RNF34: variants seen among roughly 807,000 people sequenced by gnomAD.
RNF34 encodes E3 ubiquitin-protein ligase RNF34.
Under a neutral mutation model 37.9 loss-of-function variants are expected in RNF34, and 12 were observed. The ratio of observed to expected loss-of-function variants is 0.32; its 90% CI spans 0.20 to 0.51. The LOEUF (loss-of-function observed/expected upper bound fraction) is 0.51, where lower values mean the gene tolerates loss of function less well. Ranked by LOEUF, RNF34 falls within the 20% of genes least tolerant of loss-of-function variation. The pLI is 0.97. For synonymous variants in RNF34, 155 were observed against 177.2 expected, an observed-to-expected ratio of 0.87 and a Z score of 1.00; for missense variants, 362 against 472.7, an observed-to-expected ratio of 0.77 and a Z score of 2.17.
intron 1 of RNF34, among the ~76,000 whole-genome samples, chr12:121,403,079 C>T (rs1337552102): frequency 6.6e-6 from 1 of 152,086 alleles, no homozygotes; most frequent in Admixed American, 6.6e-5. Context: ...TTCTAAGGAG[C>T]ATATGTTTCT....
chr12:121,409,680 A>T (rs184201950), intron 1 of RNF34: 1 of 152,360 alleles, frequency 6.6e-6, no homozygotes, highest in Admixed American at 6.5e-5. Flanking sequence ...TTGCCTGGTG[A>T]GTCCAACATG....
chr12:121,401,746 C>A (rs1250385498), intron 1 of RNF34, among the ~76,000 whole-genome samples: 2 of 152,104 alleles, frequency 1.3e-5, no homozygotes, highest in African/African-American at 4.8e-5. Flanking sequence ...TAAACAAGTT[C>A]TTTGAAAACA....
rs540081406 is a variant in RNF34 at position 121,405,471 on chromosome 12, C to A, written c.6+5253C>A. 1.2e-4 allele frequency among the ~76,000 whole-genome samples: 18 copies of A among 152,158 alleles called. 1 individual carries two copies. The South Asian group carries it at 3.7e-3, about 32-fold the overall frequency. ...TCAGTAAAAACAAACATTTTAATTT[C>A]CATTTGTCTTCTTGCTTTTTTTTTC... is the stretch of plus-strand genomic sequence containing the variant. On this transcript the variant is annotated intron_variant, in intron 1 of 5. Coordinates refer to ENST00000361234, the MANE Select transcript of RNF34 (RefSeq NM_025126.4).
chr12:121,413,290 G>C (rs984762375), intron 1 of RNF34, among the ~76,000 whole-genome samples: 110 of 152,164 alleles, frequency 7.2e-4, no homozygotes, highest in African/African-American at 2.6e-3. Context: ...GCCTCCCAAA[G>C]TGCTGGGATT....
At chr12:121,404,754 T>C (rs991431952) in intron 1 of RNF34, 1 of 152,210 alleles carries the variant, frequency 6.6e-6, no homozygotes, top group South Asian at 2.1e-4. Flanking sequence ...GTTGATAATA[T>C]ATTTAATGGA....
intron 1 of RNF34, among the ~76,000 whole-genome samples, chr12:121,407,877 A>C (rs1555280872): frequency 6.6e-6 from 1 of 152,200 alleles, no homozygotes; most frequent in East Asian, 1.9e-4. Flanking sequence ...TGAAGAGCTC[A>C]GAAAATAGAT....
chr12:121,422,400 CAGA>C lies in RNF34; in HGVS notation c.929-983_929-981del, dbSNP rs539378317. Among the ~76,000 whole-genome samples, 551 of 152,314 alleles carry C rather than the reference CAGA, an allele frequency of 3.6e-3. 1 individual carries two copies. The highest frequency in any genetic ancestry group is 6.3e-3 in the Non-Finnish European group (429 of 68,018). ...AAAGAGTGGGAAGGAACCCTCCACA[CAGA>C]AGGAGAGACCAAGGCCCACTCTGAT... On this transcript the variant is annotated intron_variant, in intron 5 of 5. Transcript: ENST00000361234.
chr12:121,415,840 C>T (rs199742513), intron 1 of RNF34, among the ~76,000 whole-genome samples: 222 of 107,852 alleles, frequency 2.1e-3, no homozygotes, highest in Middle Eastern at 5.2e-3. Flanking sequence ...TTTGTCCAGT[C>T]TTTTTTTTTT....
intron 5 of RNF34, among the ~76,000 whole-genome samples, chr12:121,422,928 G>C (rs1032331482): frequency 6.6e-6 from 1 of 152,108 alleles, no homozygotes; most frequent in African/African-American, 2.4e-5. Context: ...GGGAACTAAG[G>C]CTCCTTTTCC....
At chr12:121,416,800 A>G (rs1158055662) in intron 2 of RNF34, among the ~76,000 whole-genome samples, 1 of 152,254 alleles carries the variant, frequency 6.6e-6, no homozygotes, top group Non-Finnish European at 1.5e-5. Context: ...TCAACATCAA[A>G]TACTTAGCTA....
At chr12:121,406,646 G>A (rs1870566987) in intron 1 of RNF34, among the ~76,000 whole-genome samples, 1 of 152,186 alleles carries the variant, frequency 6.6e-6, no homozygotes, top group African/African-American at 2.4e-5. Flanking sequence ...GGCAGACCAT[G>A]GTCCTATGGT....
intron 1 of RNF34, among the ~76,000 whole-genome samples, chr12:121,411,259 T>C (rs989333483): frequency 3.3e-5 from 5 of 152,102 alleles, no homozygotes; most frequent in Non-Finnish European, 5.9e-5. Flanking sequence ...TAATGAGGGC[T>C]AAATTAAGTG....
At chr12:121,406,690 TG>T (rs1360839506) in intron 1 of RNF34, among the ~76,000 whole-genome samples, 1 of 151,838 alleles carries the variant, frequency 6.6e-6, no homozygotes, top group African/African-American at 2.4e-5. Flanking sequence ...CTTAAGAGAG[TG>T]GGTAGGAAAG....
intron 3 of RNF34, among the ~76,000 whole-genome samples, chr12:121,419,689 G>GTGTTTTC (rs1166380331): frequency 1.9e-4 from 29 of 152,172 alleles, no homozygotes; most frequent in African/African-American, 5.6e-4. Context: ...GAAGAGATTT[G>GTGTTTTC]TGTTTTCTAA....
At position 121,401,008 on chromosome 12, in the gene RNF34, A is replaced by G. The variant is rs368767001; in HGVS notation, c.6+790A>G. ...TTGATTCATTTGCCGAACTCAAACC[A>G]AGTGGGATGAGTCATAAGGTGATGA... On this transcript the variant is annotated intron_variant, in intron 1 of 5. Coordinates refer to ENST00000361234, the MANE Select transcript of RNF34 (RefSeq NM_025126.4). 7.2e-5 allele frequency among the ~76,000 whole-genome samples: 11 copies of G among 152,254 alleles called. No homozygotes were observed. The South Asian group carries it at 1.0e-3, about 14-fold the overall frequency.
At chr12:121,416,031 CCAGAGGAATATAGTAAT>C (rs1871540720) in intron 1 of RNF34, 111 bp from the exon 2 acceptor site, 2 of 682,126 alleles carry the variant, frequency 2.9e-6, no homozygotes, top group Non-Finnish European at 5.1e-6. Context: ...ATTTCAGTGC[CCAGAGGAATATAGTAAT>C]CTCAAAGTTA....
rs145010576 is a variant in RNF34 at position 121,423,147 on chromosome 12, G to A, written c.929-239G>A. Among the ~76,000 whole-genome samples the A allele has an allele frequency of 3.3e-4, 51 of 152,328 alleles. No homozygotes were observed. The highest frequency in any genetic ancestry group is 5.7e-4 in the Non-Finnish European group (39 of 68,028). ...AAATAGAAATACATAGCTAACATTT[G>A]TTGGGTACGTCAAGCATTTTATTCT... is the stretch of plus-strand genomic sequence containing the variant. On this transcript the variant is annotated intron_variant, in intron 5 of 5. Transcript: ENST00000361234. The surrounding 1 kb of genome is among the most constrained non-coding windows in gnomAD (Gnocchi z 4.3).
chr12:121,406,918 T>G (rs1201676477), intron 1 of RNF34, among the ~76,000 whole-genome samples: 3 of 152,180 alleles, frequency 2.0e-5, no homozygotes, highest in African/African-American at 7.2e-5. Flanking sequence ...TTTTTAAAAA[T>G]ATAATTTCAA....
At position 121,417,915 on chromosome 12, in the gene RNF34, C is replaced by A. The variant is rs1555282568; in HGVS notation, c.633+4C>A. On this transcript the variant is annotated splice_donor_region_variant and intron_variant, in intron 3 of 5. Coordinates refer to ENST00000361234, the MANE Select transcript of RNF34 (RefSeq NM_025126.4). This position sits in a 1 kb window ranked among gnomAD's most constrained non-coding sequence, Gnocchi z 5.0. ...CAGATCTGGAGTGCCGGCACAGGTA[C>A]GAGGGGGTAACTAATTACACCCAGG... 1 of 1,611,604 alleles carries A rather than the reference C, an allele frequency of 6.2e-7. No individual in the cohort carries two copies. Among genetic ancestry groups the A allele is most frequent in the Non-Finnish European group, 8.5e-7 (1 of 1,179,032 alleles).
Sources: gnomAD v4.1 joint callset for allele counts (sites outside exome capture counted in the v4.1 genomes callset) on GRCh38, gnomAD v4.1.1 for gene constraint, Gnocchi (gnomAD v3.1) non-coding constraint, MANE v1.5 for transcripts, NCBI Gene and HGNC (gene_info 2026-07-23, HGNC 2026-07-21) for gene names.